SH3RF3: variants seen among roughly 807,000 people sequenced by gnomAD.
SH3RF3 encodes the protein SH3 domain containing ring finger 3, also known as E3 ubiquitin-protein ligase SH3RF3.
SH3RF3 carries 29 observed loss-of-function variants against 66.3 expected under a neutral mutation model. That is an observed-to-expected ratio of 0.44 (90% CI 0.33 to 0.60). The LOEUF (loss-of-function observed/expected upper bound fraction) is 0.60. Ranked by LOEUF, SH3RF3 falls within the 20% of genes least tolerant of loss-of-function variation. The pLI is 0.04. For synonymous variants in SH3RF3, 583 were observed against 532.0 expected (o/e 1.10, Z -1.32); for missense variants, 1,194 against 1,190.9 (o/e 1.00, Z -0.04).
chr2:109,427,683 C>T (rs758252318), intron 5 of SH3RF3, among the ~76,000 whole-genome samples: 1 of 152,250 alleles, frequency 6.6e-6, no homozygotes, highest in East Asian at 1.9e-4. Context: ...CGTGCCACCC[C>T]AGCTCCTTCC....
At chr2:109,325,276 C>A (rs1682125068) in intron 1 of SH3RF3, among the ~76,000 whole-genome samples, 1 of 151,442 alleles carries the variant, frequency 6.6e-6, no homozygotes, top group African/African-American at 2.4e-5. Context: ...ATCGTAGAAT[C>A]CCAGGAGTCA....
intron 8 of SH3RF3, among the ~76,000 whole-genome samples, chr2:109,482,844 A>G (rs1678871167): frequency 6.6e-6 from 1 of 152,214 alleles, no homozygotes. Context: ...AGAGAAGCAC[A>G]ATAGCTCAGC....
intron 1 of SH3RF3, among the ~76,000 whole-genome samples, chr2:109,297,113 C>G (rs1321848692): frequency 6.6e-6 from 1 of 151,878 alleles, no homozygotes; most frequent in African/African-American, 2.4e-5. Context: ...CCCAATACGG[C>G]TCCACAGAGA....
At chr2:109,401,735 T>C (rs1309645014) in intron 4 of SH3RF3, among the ~76,000 whole-genome samples, 2 of 152,158 alleles carry the variant, frequency 1.3e-5, no homozygotes, top group African/African-American at 4.8e-5. Flanking sequence ...TTCCTCTCCT[T>C]CCTGCATCCT....
intron 3 of SH3RF3, among the ~76,000 whole-genome samples, chr2:109,374,827 T>A (rs1180585896): frequency 5.3e-5 from 8 of 152,226 alleles, no homozygotes; most frequent in Admixed American, 3.3e-4. Context: ...TCACCTCGCC[T>A]GGCCTCACCT....
intron 1 of SH3RF3, among the ~76,000 whole-genome samples, chr2:109,166,889 T>C (rs1217929366): frequency 6.6e-6 from 1 of 152,242 alleles, no homozygotes; most frequent in African/African-American, 2.4e-5. Flanking sequence ...ACTTAGGGCT[T>C]ACTACTTTAA....
intron 8 of SH3RF3, among the ~76,000 whole-genome samples, chr2:109,456,529 G>A (rs1233508771): frequency 6.6e-6 from 1 of 152,236 alleles, no homozygotes; most frequent in African/African-American, 2.4e-5. Flanking sequence ...CAGTGGGGCA[G>A]GGCAGTGGCC....
At chr2:109,241,653 G>A (rs1040433085) in intron 1 of SH3RF3, among the ~76,000 whole-genome samples, 7 of 152,040 alleles carry the variant, frequency 4.6e-5, no homozygotes, top group Admixed American at 3.3e-4. Flanking sequence ...TCCCCGCCTC[G>A]CCATGGTGAG....
chr2:109,481,821 G>C (rs774025588), intron 8 of SH3RF3, among the ~76,000 whole-genome samples: 15 of 152,254 alleles, frequency 9.9e-5, no homozygotes, highest in Middle Eastern at 3.4e-3. Flanking sequence ...TCTTGAGGAA[G>C]CCCAGAGGGG....
At chr2:109,202,025 A>T (rs1248392525) in intron 1 of SH3RF3, among the ~76,000 whole-genome samples, 1 of 152,238 alleles carries the variant, frequency 6.6e-6, no homozygotes, top group Admixed American at 6.5e-5. Flanking sequence ...CCTAGGCCAC[A>T]TTGTATTTGC....
chr2:109,481,393 T>C (rs962042574), intron 8 of SH3RF3, among the ~76,000 whole-genome samples: 4 of 151,978 alleles, frequency 2.6e-5, no homozygotes, highest in African/African-American at 9.7e-5. Context: ...TCTGGCAGCG[T>C]TCCTGCCCAC....
chr2:109,331,423 C>A (rs1461982752), intron 1 of SH3RF3, among the ~76,000 whole-genome samples: 1 of 152,046 alleles, frequency 6.6e-6, no homozygotes, highest in Non-Finnish European at 1.5e-5. Flanking sequence ...AGAACTGGGG[C>A]CTTAACCAGG....
chr2:109,170,289 CTTCTCT>C (rs2104943129), intron 1 of SH3RF3, among the ~76,000 whole-genome samples: 1 of 120,758 alleles, frequency 8.3e-6, no homozygotes, highest in Admixed American at 9.4e-5. Flanking sequence ...CTTCTCTTCT[CTTCTCT>C]TCTCTTCTCT....
At chr2:109,146,529 C>T (rs1393019572) in intron 1 of SH3RF3, among the ~76,000 whole-genome samples, 1 of 152,094 alleles carries the variant, frequency 6.6e-6, no homozygotes, top group East Asian at 1.9e-4. Flanking sequence ...CTAGCACTTT[C>T]TTGTTTCTGT....
intron 1 of SH3RF3, among the ~76,000 whole-genome samples, chr2:109,271,616 G>T (rs1319730527): frequency 6.6e-6 from 1 of 152,238 alleles, no homozygotes; most frequent in African/African-American, 2.4e-5. Flanking sequence ...CAACAATGGG[G>T]TGAGGCCCCG....
intron 1 of SH3RF3, among the ~76,000 whole-genome samples, chr2:109,164,647 GA>G (rs1479510818): frequency 6.6e-6 from 1 of 152,184 alleles, no homozygotes; most frequent in African/African-American, 2.4e-5. Flanking sequence ...TTGGGAGGGG[GA>G]AAAAAGAGCA....
At chr2:109,363,468 T>C (rs1683092186) in intron 2 of SH3RF3, among the ~76,000 whole-genome samples, 1 of 152,190 alleles carries the variant, frequency 6.6e-6, no homozygotes, top group Non-Finnish European at 1.5e-5. Context: ...ATCAAATACA[T>C]TGTTTTTATT....
At chr2:109,408,225 A>T (rs899096274) in intron 4 of SH3RF3, among the ~76,000 whole-genome samples, 1 of 152,166 alleles carries the variant, frequency 6.6e-6, no homozygotes, top group Non-Finnish European at 1.5e-5. Context: ...CACACAGTCC[A>T]TGCCTCAGAG....
chr2:109,329,210 T>G (rs1289204282), intron 1 of SH3RF3, among the ~76,000 whole-genome samples: 1 of 152,192 alleles, frequency 6.6e-6, no homozygotes, highest in Non-Finnish European at 1.5e-5. Flanking sequence ...TCTCCTGGTT[T>G]TCCCAATTAC....
Sources: gnomAD v4.1 joint callset for allele counts (sites outside exome capture counted in the v4.1 genomes callset) on GRCh38, gnomAD v4.1.1 for gene constraint, MANE v1.5 for transcripts, NCBI Gene and HGNC (gene_info 2026-07-23, HGNC 2026-07-21) for gene names.